APBB1IP: variants seen among roughly 807,000 people sequenced by gnomAD.
The protein encoded by APBB1IP is amyloid beta A4 precursor protein-binding family B member 1-interacting protein.
APBB1IP carries 27 observed loss-of-function variants against 64.9 expected under a neutral mutation model. That is an observed-to-expected ratio of 0.42 (90% CI 0.31 to 0.57). The LOEUF is 0.57. Ranked by LOEUF, APBB1IP falls within the 20% of genes least tolerant of loss-of-function variation. The pLI is 0.20. For synonymous variants in APBB1IP, 392 were observed against 331.0 expected (o/e 1.18, Z -2.00); for missense variants, 812 against 845.5 (o/e 0.96, Z 0.49).
intron 2 of APBB1IP, among the ~76,000 whole-genome samples, chr10:26,458,004 C>G (rs975960336): frequency 6.6e-6 from 1 of 152,110 alleles, no homozygotes. Flanking sequence ...ATTTTTATGG[C>G]CTGACTAATA....
chr10:26,458,204 A>G lies in APBB1IP; in HGVS notation c.-1+19351A>G, dbSNP rs966012752. On this transcript the variant is annotated intron_variant, in intron 2 of 14. Coordinates refer to ENST00000376236, the MANE Select transcript of APBB1IP (RefSeq NM_019043.4). ...GGAGTTTGAGACTAGCTGGACCAAC[A>G]CGGTGAAACCGCGTCTCTATTGAAA... Among the ~76,000 whole-genome samples, 6 of 152,316 alleles carry G rather than the reference A, an allele frequency of 3.9e-5. No homozygotes were observed. In the East Asian group the frequency reaches 1.2e-3, roughly 29 times the overall value.
intron 8 of APBB1IP, among the ~76,000 whole-genome samples, chr10:26,514,759 C>T (rs932381265): frequency 7.2e-5 from 11 of 152,118 alleles, no homozygotes; most frequent in Middle Eastern, 3.4e-3. Context: ...ATGCTATTTT[C>T]TGGGTTTTCC....
At chr10:26,512,964 A>C (rs1225473627) in intron 7 of APBB1IP, among the ~76,000 whole-genome samples, 1 of 152,212 alleles carries the variant, frequency 6.6e-6, no homozygotes, top group Non-Finnish European at 1.5e-5. Flanking sequence ...TCAAGCATTC[A>C]CACATTGCTT....
At position 26,533,460 on chromosome 10, in the gene APBB1IP, G is replaced by A. The variant is rs1426063958; in HGVS notation, c.835G>A (p.Gly279Arg). 6 of 1,598,406 alleles carry A rather than the reference G, an allele frequency of 3.8e-6. No individual in the cohort carries two copies. In the African/African-American group the frequency reaches 8.1e-5, roughly 22 times the overall value. Residue 279 changes from glycine to arginine, a missense_variant, in exon 9 of 15, where the codon GGA (glycine) becomes AGA (arginine). Gly to Arg is a moderately radical substitution (Grantham distance 125). Transcript: ENST00000376236. ...TTAGAATTTCTACTTGGATAACAGA[G>A]GAAAAAAAGAAAGCAAGGAAACTAA... ...NPQNFYLDNRGKKESKETNEK... is the reference protein window; with the variant it reads ...NPQNFYLDNRRKKESKETNEK...
At chr10:26,449,940 G>A (rs1192964424) in intron 2 of APBB1IP, among the ~76,000 whole-genome samples, 2 of 152,004 alleles carry the variant, frequency 1.3e-5, no homozygotes, top group African/African-American at 4.8e-5. Flanking sequence ...CCAGGAAGTC[G>A]AGCTGCAGAG....
intron 13 of APBB1IP, among the ~76,000 whole-genome samples, chr10:26,561,213 C>T (rs564816990): frequency 4.6e-5 from 7 of 150,624 alleles, no homozygotes; most frequent in East Asian, 3.9e-4. Flanking sequence ...GGACTACAAG[C>T]GCCCGCCACC....
intron 13 of APBB1IP, 115 bp from the exon 14 acceptor site, chr10:26,562,211 C>T (rs1836981991): frequency 1.3e-6 from 1 of 763,912 alleles, no homozygotes; most frequent in Non-Finnish European, 2.2e-6. Flanking sequence ...AAGAACTAGC[C>T]AACAAGTATC....
chr10:26,486,735 G>A (rs1001848066), intron 2 of APBB1IP, among the ~76,000 whole-genome samples: 6 of 152,124 alleles, frequency 3.9e-5, no homozygotes, highest in East Asian at 1.9e-4. Context: ...CATATGTCCT[G>A]TAAACCATAT....
In APBB1IP at chr10:26,500,835, G is replaced by A; in HGVS notation, c.177G>A (p.Leu59=). ...FKDLNESLNA[L]EDQDLDALMA... ...CCCTACTAGAGTCCTTAAATGCACT[G>A]GAAGACCAAGATTTAGATGCTCTCA... Residue 59 remains leucine, a synonymous_variant, in exon 5 of 15, where the codon CTG becomes CTA. Coordinates refer to ENST00000376236, the MANE Select transcript of APBB1IP (RefSeq NM_019043.4). The A allele has an allele frequency of 6.2e-7, 1 of 1,613,632 alleles. No homozygotes were observed. The highest frequency in any genetic ancestry group is 8.5e-7 in the Non-Finnish European group (1 of 1,179,598).
chr10:26,523,685 A>C (rs1836433574), intron 8 of APBB1IP, among the ~76,000 whole-genome samples: 1 of 152,068 alleles, frequency 6.6e-6, no homozygotes, highest in South Asian at 2.1e-4. Context: ...ACCCTTGGCC[A>C]AGGCCAGCCA....
intron 6 of APBB1IP, among the ~76,000 whole-genome samples, chr10:26,503,933 G>A (rs1454319523): frequency 1.3e-5 from 2 of 152,200 alleles, no homozygotes; most frequent in African/African-American, 2.4e-5. Flanking sequence ...CTTGGGTGCT[G>A]TACAGGCAGG....
At position 26,537,909 on chromosome 10, in the gene APBB1IP, G is replaced by A. The variant is rs925846493; in HGVS notation, c.1044+1692G>A. 9.5e-5 allele frequency among the ~76,000 whole-genome samples: 14 copies of A among 146,902 alleles called. 1 individual carries two copies. The highest frequency in any genetic ancestry group is 9.0e-4 in the Admixed American group (13 of 14,386). The stretch of plus-strand genomic sequence containing the variant: ...AGATCATGCCGCTGCACTCCAGCCT[G>A]GGTGAAAGAGCAAGACTAGGTCTCA... On this transcript the variant is annotated intron_variant, in intron 10 of 14. Transcript: ENST00000376236.
chr10:26,537,016 T>C (rs901110229), intron 10 of APBB1IP, among the ~76,000 whole-genome samples: 1 of 152,204 alleles, frequency 6.6e-6, no homozygotes, highest in African/African-American at 2.4e-5. Flanking sequence ...CAGGGTATTT[T>C]AGACAACATT....
intron 11 of APBB1IP, among the ~76,000 whole-genome samples, chr10:26,549,804 T>C (rs185519724): frequency 1.4e-4 from 22 of 152,196 alleles, no homozygotes; most frequent in African/African-American, 5.3e-4. Flanking sequence ...TTAGCCTTAA[T>C]ATTTCTTTTT....
chr10:26,554,089 C>A (rs930508026), intron 11 of APBB1IP, among the ~76,000 whole-genome samples: 1 of 152,184 alleles, frequency 6.6e-6, no homozygotes, highest in African/African-American at 2.4e-5. Context: ...TAGCTCCACA[C>A]GTGCAGTAAC....
At chr10:26,530,292 G>A (rs1055720456) in intron 8 of APBB1IP, among the ~76,000 whole-genome samples, 12 of 149,184 alleles carry the variant, frequency 8.0e-5, no homozygotes, top group African/African-American at 3.0e-4. Flanking sequence ...CAAACACCTG[G>A]GCTCAAGTGA....
chr10:26,566,906 A>G, intron 14 of APBB1IP, 55 bp from the exon 15 acceptor site: 7 of 1,494,494 alleles, frequency 4.7e-6, no homozygotes, highest in Non-Finnish European at 6.2e-6. Flanking sequence ...ATAACAATAA[A>G]TTTAAAATTT....
chr10:26,540,235 T>C (rs1836680644), intron 10 of APBB1IP, among the ~76,000 whole-genome samples: 4 of 152,200 alleles, frequency 2.6e-5, no homozygotes, highest in Non-Finnish European at 5.9e-5. Context: ...ATGAATGTCA[T>C]ATATTAATTC....
intron 11 of APBB1IP, among the ~76,000 whole-genome samples, chr10:26,551,597 T>C (rs901684267): frequency 6.6e-6 from 1 of 152,196 alleles, no homozygotes; most frequent in East Asian, 1.9e-4. Context: ...GGAGAAGTTA[T>C]GTTTCTATGG....
Sources: gnomAD v4.1 joint callset for allele counts (sites outside exome capture counted in the v4.1 genomes callset) on GRCh38, gnomAD v4.1.1 for gene constraint, MANE v1.5 for transcripts, NCBI Gene and HGNC (gene_info 2026-07-23, HGNC 2026-07-21) for gene names.